The following FREM2 variants were observed in gnomAD, a reference collection of about 807,000 sequenced individuals.
FREM2 encodes FRAS1 related extracellular matrix 2.
Under a neutral mutation model 219.9 loss-of-function variants are expected in FREM2, and 119 were observed. The ratio of observed to expected loss-of-function variants is 0.54; its 90% CI spans 0.47 to 0.63. The LOEUF (loss-of-function observed/expected upper bound fraction) is 0.63. FREM2 is among the 30% of genes least tolerant of loss of function. The pLI is 0.00. For synonymous variants in FREM2, 1,562 were observed against 1,522.8 expected (o/e 1.03, Z -0.60); for missense variants, 4,030 against 3,993.6 (o/e 1.01, Z -0.25).
chr13:38,876,471 A>T, intron 20 of FREM2, 89 bp downstream of exon 20: 1 of 1,065,458 alleles, frequency 9.4e-7, no homozygotes, highest in East Asian at 2.5e-5. Context: ...TCCACACGTG[A>T]ATGACTTTAA....
At chr13:38,768,344 A>G (rs1873523474) in intron 3 of FREM2, among the ~76,000 whole-genome samples, 1 of 152,118 alleles carries the variant, frequency 6.6e-6, no homozygotes, top group South Asian at 2.1e-4. Context: ...CAGTGGCATA[A>G]TCACAACTCA....
rs746802305 is a variant in FREM2, at chr13:38,691,752, G to C, written c.4408G>C (p.Glu1470Gln). 3 of 1,613,986 alleles carry C rather than the reference G, an allele frequency of 1.9e-6. No individual in the cohort carries two copies. Among genetic ancestry groups the C allele is most frequent in the Non-Finnish European group, 2.5e-6 (3 of 1,179,996 alleles). Residue 1470 changes from glutamate (E) to glutamine (Q), a missense_variant, in exon 1 of 24, where the codon GAA (glutamate) becomes CAA (glutamine). By Grantham distance (29) the Glu-to-Gln change is conservative. Coordinates refer to ENST00000280481, the MANE Select transcript of FREM2 (RefSeq NM_207361.6). Reference protein sequence around the residue: ...ITRAPMRGHLECTDQPGVSIT... With the variant: ...ITRAPMRGHLQCTDQPGVSIT... The stretch of plus-strand genomic sequence containing the variant: ...CAGGGCTCCCATGCGAGGTCACCTG[G>C]AATGCACGGATCAGCCTGGTGTGTC...
At chr13:38,824,737 G>GAT (rs1876207365) in intron 6 of FREM2, among the ~76,000 whole-genome samples, 1 of 151,982 alleles carries the variant, frequency 6.6e-6, no homozygotes, top group African/African-American at 2.4e-5. Flanking sequence ...AACCTGAAAG[G>GAT]ATATCACAAA....
rs1878750941 is a variant in FREM2 at position 38,886,905 on chromosome 13, C to A, written c.*6118C>A. 6.6e-6 allele frequency: 1 copy of A among 152,040 alleles called. No individual in the cohort carries two copies. Among genetic ancestry groups the A allele is most frequent in the African/African-American group, 2.4e-5 (1 of 41,400 alleles). The allele number at this position is 152,040 out of a possible 1,614,324, so 9.4% of individuals were successfully genotyped here. A position where few individuals can be genotyped will look rare whatever the true frequency, so the allele number is the denominator to read the frequency against. On this transcript the variant is annotated 3_prime_UTR_variant, in exon 24 of 24. Coordinates refer to ENST00000280481, the MANE Select transcript of FREM2 (RefSeq NM_207361.6). The stretch of plus-strand genomic sequence containing the variant: ...TTTTTATTTTCGCATGAGAATTTTT[C>A]AAAAACTATCAGGGTCTAGTTTTAT...
At chr13:38,813,656 A>T in intron 6 of FREM2, among the ~76,000 whole-genome samples, 1 of 141,748 alleles carries the variant, frequency 7.1e-6, no homozygotes, top group South Asian at 2.3e-4. Flanking sequence ...GAGTTTGATT[A>T]TTAAATGCCT....
intron 2 of FREM2, among the ~76,000 whole-genome samples, chr13:38,707,077 T>A (rs774197747): frequency 2.6e-5 from 4 of 152,246 alleles, no homozygotes; most frequent in African/African-American, 4.8e-5. Flanking sequence ...AGTGCAAGTT[T>A]ACTAAGATTA....
intron 6 of FREM2, among the ~76,000 whole-genome samples, chr13:38,839,232 T>C (rs912661956): frequency 1.3e-5 from 2 of 152,228 alleles, no homozygotes; most frequent in Non-Finnish European, 2.9e-5. Flanking sequence ...TCTGCAGTTC[T>C]GCTGCAGTTT....
chr13:38,762,858 G>A (rs1873284569), intron 2 of FREM2, among the ~76,000 whole-genome samples: 3 of 152,132 alleles, frequency 2.0e-5, no homozygotes, highest in Admixed American at 2.0e-4. Context: ...TACATTCACA[G>A]TATCAGTACC....
At chr13:38,869,517 C>T (rs959386288) in intron 16 of FREM2, among the ~76,000 whole-genome samples, 20 of 152,264 alleles carry the variant, frequency 1.3e-4, no homozygotes, top group Middle Eastern at 3.4e-3. Flanking sequence ...TACGGAGGAA[C>T]AAAGTCGTTA....
chr13:38,855,663 A>C, intron 11 of FREM2, among the ~76,000 whole-genome samples: 1 of 152,122 alleles, frequency 6.6e-6, no homozygotes, highest in Non-Finnish European at 1.5e-5. Flanking sequence ...CTCACTCCTA[A>C]GTGGGAGCTA....
At chr13:38,705,828 TTTTCTTCC>T (rs1385284025) in intron 2 of FREM2, among the ~76,000 whole-genome samples, 8 of 152,156 alleles carry the variant, frequency 5.3e-5, no homozygotes, top group Non-Finnish European at 1.0e-4. Flanking sequence ...CCCTTTCTTC[TTTTCTTCC>T]TTTCTTCCTT....
At chr13:38,770,912 C>A (rs931198198) in intron 4 of FREM2, among the ~76,000 whole-genome samples, 3 of 152,052 alleles carry the variant, frequency 2.0e-5, no homozygotes, top group Admixed American at 6.6e-5. Context: ...TGAGGGCTGG[C>A]ATTTATACAA....
At chr13:38,794,675 A>G (rs970276574) in intron 6 of FREM2, among the ~76,000 whole-genome samples, 3 of 151,800 alleles carry the variant, frequency 2.0e-5, no homozygotes, top group Admixed American at 6.6e-5. Flanking sequence ...TAATAAATTG[A>G]TATCTTGATG....
intron 6 of FREM2, among the ~76,000 whole-genome samples, chr13:38,802,479 G>A (rs1313396374): frequency 1.3e-5 from 2 of 152,196 alleles, no homozygotes; most frequent in African/African-American, 4.8e-5. Flanking sequence ...CACCAGGAAG[G>A]CAGGGCTATC....
At chr13:38,767,588 C>G (rs896510416) in intron 3 of FREM2, among the ~76,000 whole-genome samples, 5 of 152,184 alleles carry the variant, frequency 3.3e-5, no homozygotes, top group African/African-American at 1.2e-4. Context: ...ACAGATTTTG[C>G]TGGTGATGCC....
chr13:38,783,003 T>C, intron 4 of FREM2, 67 bp from the exon 5 acceptor site: 1 of 1,557,792 alleles, frequency 6.4e-7, no homozygotes, highest in Non-Finnish European at 8.8e-7. Flanking sequence ...ATTTTAATTC[T>C]GTATGATTGT....
chr13:38,692,806 A>G (rs2138073698), intron 1 of FREM2, among the ~76,000 whole-genome samples: 1 of 152,332 alleles, frequency 6.6e-6, no homozygotes, highest in African/African-American at 2.4e-5. Flanking sequence ...CAGGCTTTCC[A>G]ATTCTGCTCC....
Position 38,692,302 on chromosome 13 carries a change from A to T in FREM2, c.4958A>T (p.Asn1653Ile), listed in dbSNP as rs778386529. 6.2e-7 allele frequency: 1 copy of T among 1,611,548 alleles called. No homozygotes were observed. The highest frequency in any genetic ancestry group is 8.5e-7 in the Non-Finnish European group (1 of 1,178,550). ...AAGATCCAGGTCTTGGCTGTTGACA[A>T]CAGTGTCCCCCAAATCGCAGTGAAT... is the stretch of plus-strand genomic sequence containing the variant. ...VMKIQVLAVD[N>I]SVPQIAVNKG... Residue 1653 changes from asparagine (N) to isoleucine (I), a missense_variant, in exon 1 of 24, where the codon AAC becomes ATC. Asn to Ile is a moderately radical substitution (Grantham distance 149). Coordinates refer to ENST00000280481, the MANE Select transcript of FREM2 (RefSeq NM_207361.6).
rs986954459 is a variant in FREM2, at chr13:38,837,908, T to G, written c.6020-8665T>G. On this transcript the variant is annotated intron_variant, in intron 6 of 23. Transcript: ENST00000280481. ...AGCACACCGATGGGTCTTGACTCTT[T>G]ATCCAATTTGCCAGTCTGTGCATTT... is the stretch of plus-strand genomic sequence containing the variant. Among the ~76,000 whole-genome samples the G allele has an allele frequency of 2.0e-5, 3 of 152,192 alleles. No homozygotes were observed. The South Asian group carries it at 6.2e-4, about 32-fold the overall frequency.
Sources: allele counts gnomAD v4.1 joint callset (sites outside exome capture counted in the v4.1 genomes callset), GRCh38; gene constraint gnomAD v4.1.1; transcripts MANE v1.5; gene names NCBI Gene and HGNC (gene_info 2026-07-23, HGNC 2026-07-21).